LRRN2: variants seen among roughly 807,000 people sequenced by gnomAD.
LRRN2 encodes leucine rich repeat neuronal 2.
A neutral mutation model predicts 35.7 loss-of-function variants in LRRN2; 10 were observed. The observed-to-expected ratio is 0.28, with a 90% CI of 0.17 to 0.47. The LOEUF (loss-of-function observed/expected upper bound fraction) is 0.47. Among genes scored for constraint, LRRN2 ranks in the 20% least tolerant of loss-of-function variants. The pLI is 0.99. For synonymous variants in LRRN2, 391 were observed against 409.6 expected (o/e 0.95, Z 0.55); for missense variants, 731 against 940.3 (o/e 0.78, Z 2.91).
At chr1:204,656,267 C>G (rs1024965458) in intron 1 of LRRN2, among the ~76,000 whole-genome samples, 12 of 152,174 alleles carry the variant, frequency 7.9e-5, no homozygotes, top group African/African-American at 2.9e-4. Flanking sequence ...CTGTCTGCAT[C>G]CACGTGTGTC....
intron 1 of LRRN2, among the ~76,000 whole-genome samples, chr1:204,636,294 A>G (rs951869304): frequency 3.9e-5 from 6 of 152,234 alleles, no homozygotes; most frequent in African/African-American, 1.4e-4. Flanking sequence ...AATAATGCTA[A>G]CATGAAAATA....
intron 1 of LRRN2, among the ~76,000 whole-genome samples, chr1:204,643,025 AC>A (rs929119900): frequency 5.9e-5 from 9 of 152,216 alleles, no homozygotes; most frequent in African/African-American, 2.2e-4. Flanking sequence ...GACATGAAGA[AC>A]CCTGAGTGAT....
chr1:204,629,612 C>A (rs142152449), intron 1 of LRRN2: 2,568 of 173,950 alleles, frequency 0.015, 55 homozygotes, highest in African/African-American at 0.048. Context: ...TTTTCTCTTG[C>A]CGCCACCATG....
In LRRN2 at chr1:204,619,192, G is replaced by A. The variant is rs1350578828; in HGVS notation, c.801C>T (p.Asp267=). 11 of 1,614,064 alleles carry A rather than the reference G, an allele frequency of 6.8e-6. No individual in the cohort carries two copies. Among genetic ancestry groups the A allele is most frequent in the East Asian group, 4.5e-5 (2 of 44,870 alleles). Residue 267 remains aspartate (D), a synonymous_variant, in exon 2 of 2, where the codon GAC becomes GAT. Coordinates refer to ENST00000367177, the MANE Select transcript of LRRN2 (RefSeq NM_201630.2). ...CCCGCTGGAGCGGGTTCTTGTTGAG[G>A]TCTAGGAACTTGAGCCCGGGCACCT... is the stretch of plus-strand genomic sequence containing the variant. ...LEQVPGLKFL[D]LNKNPLQRVG... is the part of the protein sequence containing the mutation.
chr1:204,640,382 C>A (rs957153662), intron 1 of LRRN2, among the ~76,000 whole-genome samples: 1 of 152,202 alleles, frequency 6.6e-6, no homozygotes, highest in Non-Finnish European at 1.5e-5. Context: ...AACACAGAAA[C>A]TTTGGGGAGA....
chr1:204,651,950 C>A (rs1251486947), intron 1 of LRRN2, among the ~76,000 whole-genome samples: 1 of 152,226 alleles, frequency 6.6e-6, no homozygotes, highest in Non-Finnish European at 1.5e-5. Flanking sequence ...CTTCCCCAGC[C>A]GGCCCCTGCC....
intron 1 of LRRN2, among the ~76,000 whole-genome samples, chr1:204,668,347 T>C (rs199766190): frequency 6.6e-6 from 1 of 152,092 alleles, no homozygotes; most frequent in East Asian, 1.9e-4. Context: ...GTAATCCCAG[T>C]ACTTTGGGAG....
chr1:204,624,771 G>A (rs921304390), intron 1 of LRRN2, among the ~76,000 whole-genome samples: 1 of 134,010 alleles, frequency 7.5e-6, no homozygotes. Context: ...CCCCCCGGGA[G>A]CTGAGGGTCC....
chr1:204,643,375 T>C lies in LRRN2; in HGVS notation c.-226-23157A>G, dbSNP rs1429872457. Among the ~76,000 whole-genome samples the C allele has an allele frequency of 2.0e-5, 3 of 152,128 alleles. No homozygotes were observed. The East Asian group carries it at 5.8e-4, about 29-fold the overall frequency. ...CAGGTGCATTTTTCCGGCAAGAAGG[T>C]CCATAGCTTTTATCAACTTTTGAGA... On this transcript the variant is annotated intron_variant, in intron 1 of 1. Coordinates refer to ENST00000367177, the MANE Select transcript of LRRN2 (RefSeq NM_201630.2).
intron 1 of LRRN2, among the ~76,000 whole-genome samples, chr1:204,675,464 T>C (rs983827933): frequency 6.6e-5 from 10 of 152,354 alleles, no homozygotes; most frequent in African/African-American, 2.4e-4. Context: ...CTTTCCCAGC[T>C]TCTTAGACAG....
chr1:204,654,164 C>T (rs1668294569), intron 1 of LRRN2, among the ~76,000 whole-genome samples: 1 of 152,040 alleles, frequency 6.6e-6, no homozygotes, highest in Non-Finnish European at 1.5e-5. Flanking sequence ...GAAGATTGTC[C>T]TTGAAGCCAT....
intron 1 of LRRN2, among the ~76,000 whole-genome samples, chr1:204,651,780 A>C (rs1333048171): frequency 6.6e-6 from 1 of 152,170 alleles, no homozygotes; most frequent in African/African-American, 2.4e-5. Context: ...AATCGCTCAG[A>C]AAACTCTTTC....
intron 1 of LRRN2, among the ~76,000 whole-genome samples, chr1:204,679,989 G>A (rs560641956): frequency 1.3e-4 from 20 of 152,326 alleles, no homozygotes; most frequent in Admixed American, 5.2e-4. Flanking sequence ...GAGGGAAGGA[G>A]GAGAATGGGC....
At position 204,617,940 on chromosome 1, in the gene LRRN2, G is replaced by A. The variant is rs1391398666; in HGVS notation, c.2053C>T (p.Pro685Ser). 2 of 1,613,910 alleles carry A rather than the reference G, an allele frequency of 1.2e-6. No individual in the cohort carries two copies. Among genetic ancestry groups the A allele is most frequent in the African/African-American group, 2.7e-5 (2 of 74,930 alleles). ...CCTGGATTCCAGGGCAGGACGAGGG[G>A]AGCAGACACAACCCGGACAGAAGGG... ...SAPSVRVVSA[P>S]LVLPWNPGRK... Residue 685 changes from proline (P) to serine (S), a missense_variant, in exon 2 of 2, where the codon CCC becomes TCC. Coordinates refer to ENST00000367177, the MANE Select transcript of LRRN2 (RefSeq NM_201630.2).
At chr1:204,625,695 C>T (rs534631147) in intron 1 of LRRN2, among the ~76,000 whole-genome samples, 4 of 152,316 alleles carry the variant, frequency 2.6e-5, no homozygotes, top group Non-Finnish European at 5.9e-5. Flanking sequence ...CCAGAATTCC[C>T]CTTCCTTTTC....
intron 1 of LRRN2, among the ~76,000 whole-genome samples, chr1:204,630,293 C>A (rs1275641991): frequency 6.6e-6 from 1 of 150,850 alleles, no homozygotes; most frequent in Non-Finnish European, 1.5e-5. Flanking sequence ...AGGAAAGGAC[C>A]CTCAGGGAAG....
chr1:204,629,579 T>C, intron 1 of LRRN2: 1 of 165,348 alleles, frequency 6.0e-6, no homozygotes, highest in Non-Finnish European at 1.3e-5. Flanking sequence ...TTATCAGGGA[T>C]TTCTGCTTTT....
intron 1 of LRRN2, among the ~76,000 whole-genome samples, chr1:204,622,467 C>T (rs941744486): frequency 1.3e-5 from 2 of 152,186 alleles, no homozygotes; most frequent in East Asian, 3.8e-4. Context: ...GAAAAACAAC[C>T]GCGACTTCAA....
At chr1:204,632,858 C>T (rs1344248500) in intron 1 of LRRN2, among the ~76,000 whole-genome samples, 5 of 151,040 alleles carry the variant, frequency 3.3e-5, no homozygotes, top group South Asian at 2.1e-4. Context: ...GGTGTGAACC[C>T]GGGAGGTGGA....
Sources: allele counts gnomAD v4.1 joint callset (sites outside exome capture counted in the v4.1 genomes callset), GRCh38; gene constraint gnomAD v4.1.1; transcripts MANE v1.5; gene names NCBI Gene and HGNC (gene_info 2026-07-23, HGNC 2026-07-21).